Variants in TNS1 observed in about 807,000 individuals in gnomAD.
The protein encoded by TNS1 is tensin-1.
A neutral mutation model predicts 168.6 loss-of-function variants in TNS1; 62 were observed. The ratio of observed to expected loss-of-function variants is 0.37; its 90% CI spans 0.30 to 0.45. The LOEUF is 0.45. TNS1 is among the 20% of genes least tolerant of loss of function. The probability of loss-of-function intolerance (pLI) is 1.00; values close to 1 mark genes in which losing one functional copy is unlikely to be tolerated. For missense variants in TNS1, 2,240 were observed against 2,339.4 expected (o/e 0.96, Z 0.88); for synonymous variants, 934 against 933.2 (o/e 1.00, Z -0.02).
intron 22 of TNS1, among the ~76,000 whole-genome samples, chr2:217,823,821 G>A (rs1278233428): frequency 6.6e-6 from 1 of 152,162 alleles, no homozygotes; most frequent in Admixed American, 6.5e-5. Context: ...CAGGCACCTC[G>A]GCACCCAAAG....
intron 18 of TNS1, among the ~76,000 whole-genome samples, chr2:217,854,726 T>C (rs889866583): frequency 6.6e-6 from 1 of 152,066 alleles, no homozygotes; most frequent in African/African-American, 2.4e-5. Context: ...TTTTCCCTTA[T>C]CCACACACTC....
chr2:217,945,015 C>T (rs887193344), intron 3 of TNS1, among the ~76,000 whole-genome samples: 4 of 152,156 alleles, frequency 2.6e-5, no homozygotes, highest in South Asian at 2.1e-4. Context: ...TCTAATCACC[C>T]GGTTATTATA....
chr2:217,987,413 A>C (rs1317631535), intron 2 of TNS1, among the ~76,000 whole-genome samples: 1 of 152,098 alleles, frequency 6.6e-6, no homozygotes, highest in Non-Finnish European at 1.5e-5. Context: ...TTCATCTTTG[A>C]GTCTTCCAAA....
chr2:217,956,499 G>C (rs1414346387), intron 3 of TNS1, among the ~76,000 whole-genome samples: 1 of 152,214 alleles, frequency 6.6e-6, no homozygotes, highest in Non-Finnish European at 1.5e-5. Flanking sequence ...GAGCAAGGCT[G>C]CGGGGAGAGG....
At chr2:217,820,525 A>G (rs1942666237) in intron 23 of TNS1, among the ~76,000 whole-genome samples, 1 of 152,076 alleles carries the variant, frequency 6.6e-6, no homozygotes, top group Admixed American at 6.5e-5. Context: ...GCCAATGTAG[A>G]CTGTGCAGCA....
At chr2:218,002,145 C>T (rs919128097) in intron 1 of TNS1, among the ~76,000 whole-genome samples, 8 of 152,290 alleles carry the variant, frequency 5.3e-5, no homozygotes, top group South Asian at 4.1e-4. Flanking sequence ...ACCTTCACCA[C>T]GTGGCCCCCA....
At chr2:217,911,323 A>G (rs944113846) in intron 4 of TNS1, among the ~76,000 whole-genome samples, 2 of 152,232 alleles carry the variant, frequency 1.3e-5, no homozygotes, top group Non-Finnish European at 2.9e-5. Context: ...GCTCTGCTCT[A>G]GAGTCCCAAA....
intron 3 of TNS1, among the ~76,000 whole-genome samples, chr2:217,963,513 G>A (rs1021851356): frequency 7.9e-5 from 12 of 152,256 alleles, no homozygotes; most frequent in African/African-American, 2.4e-4. Flanking sequence ...GAGAACCTGC[G>A]CACTTGAGAA....
chr2:217,810,361 A>C, intron 28 of TNS1, 42 bp from the exon 29 acceptor site: 1 of 1,601,918 alleles, frequency 6.2e-7, no homozygotes, highest in African/African-American at 1.3e-5. Flanking sequence ...CTAGAGCTGG[A>C]AAGAAGCACA....
Position 217,998,221 on chromosome 2 carries a change from G to GTC in TNS1, c.33+4617_33+4618dup, listed in dbSNP as rs60663810. ...AGATAGATGAGTTCTCTCCATCAGTGTCTCTCTCTCTCTCTCTCTCTCTCC... is the reference window on the plus strand; with the variant it reads ...AGATAGATGAGTTCTCTCCATCAGTGTCTCTCTCTCTCTCTCTCTCTCTCTCC... On this transcript the variant is annotated intron_variant, in intron 1 of 32. Coordinates refer to ENST00000682258, the MANE Select transcript of TNS1 (RefSeq NM_001387777.1). Among the ~76,000 whole-genome samples, 439 of 149,502 alleles carry GTC rather than the reference G, an allele frequency of 2.9e-3. 3 individuals carry two copies. The highest frequency in any genetic ancestry group is 4.6e-3 in the East Asian group (23 of 5,024).
At chr2:217,815,872 C>CA (rs533699878) in intron 24 of TNS1, among the ~76,000 whole-genome samples, 42 of 149,450 alleles carry the variant, frequency 2.8e-4, no homozygotes, top group South Asian at 6.4e-4. Flanking sequence ...TCACATAGAA[C>CA]AAAAAAAAAA....
In TNS1 at chr2:217,818,443, G is replaced by C; in HGVS notation, c.3889C>G (p.Pro1297Ala). The C allele has an allele frequency of 6.2e-7, 1 of 1,614,148 alleles. No homozygotes were observed. Among genetic ancestry groups the C allele is most frequent in the Non-Finnish European group, 8.5e-7 (1 of 1,179,996 alleles). The change falls in exon 24 of 33, where the codon CCT (proline) becomes GCT (alanine). Residue 1297 changes from proline (P) to alanine (A), a missense_variant. Coordinates refer to ENST00000682258, the MANE Select transcript of TNS1 (RefSeq NM_001387777.1). ...RTVGTNTPPS[P>A]GFGWRAINPS... Reference sequence around the variant, plus strand: ...TTGATGGCCCGCCAGCCGAAGCCAGGACTAGGGGGAGTGTTGGTGCCCACT... The same window carrying C: ...TTGATGGCCCGCCAGCCGAAGCCAGCACTAGGGGGAGTGTTGGTGCCCACT...
rs762773555 is a variant in TNS1 at position 217,885,846 on chromosome 2, G to C, written c.1041-27C>G. 8 of 1,612,236 alleles carry C rather than the reference G, an allele frequency of 5.0e-6. No individual in the cohort carries two copies. The African/African-American group carries it at 5.3e-5, about 11-fold the overall frequency. On this transcript the variant is annotated intron_variant, in intron 14 of 32. Transcript: ENST00000682258. ...TAAGGGAGAGAGGTGGGCAGAAAAA[G>C]AGTGGGCTGCTGGAGGGGAGATGAG...
chr2:217,981,062 A>G (rs542159179), intron 2 of TNS1, among the ~76,000 whole-genome samples: 2 of 152,152 alleles, frequency 1.3e-5, no homozygotes, highest in Non-Finnish European at 2.9e-5. Context: ...ATCTCCCCAC[A>G]CTACACTCAG....
chr2:217,810,217 G>A lies in TNS1; in HGVS notation c.5104+31C>T, dbSNP rs377407590. The A allele has an allele frequency of 4.3e-6, 7 of 1,611,736 alleles. No homozygotes were observed. In the African/African-American group the frequency reaches 9.4e-5, roughly 22 times the overall value. On this transcript the variant is annotated intron_variant, in intron 29 of 32. Coordinates refer to ENST00000682258, the MANE Select transcript of TNS1 (RefSeq NM_001387777.1). The stretch of plus-strand genomic sequence containing the variant: ...GCAGGAAGGCAGAAAGAGAGGCCTG[G>A]GCATGGGTACAGTTTCAGGTGACCA...
chr2:217,804,624 C>T (rs780923906), intron 32 of TNS1, 21 bp from the exon 33 acceptor site: 19 of 1,613,382 alleles, frequency 1.2e-5, no homozygotes, highest in South Asian at 4.4e-5. Context: ...GAGAGGGCAA[C>T]GGGCATGAGG....
chr2:217,912,254 GA>G (rs1390974939), intron 4 of TNS1, among the ~76,000 whole-genome samples: 4 of 152,344 alleles, frequency 2.6e-5, no homozygotes, highest in Non-Finnish European at 5.9e-5. Context: ...TTAGAGGAAG[GA>G]AACAACAGGG....
At chr2:217,971,072 T>TA (rs1197786973) in intron 3 of TNS1, among the ~76,000 whole-genome samples, 1 of 152,236 alleles carries the variant, frequency 6.6e-6, no homozygotes, top group Non-Finnish European at 1.5e-5. Context: ...GAAATGTTAT[T>TA]AAAATAAATT....
chr2:218,005,568 G>A (rs1013270043), upstream of TNS1, among the ~76,000 whole-genome samples: 1 of 152,202 alleles, frequency 6.6e-6, no homozygotes, highest in Non-Finnish European at 1.5e-5. Flanking sequence ...TAATGACCCT[G>A]TTCCAGGCTT....
Sources: allele counts gnomAD v4.1 joint callset (sites outside exome capture counted in the v4.1 genomes callset), GRCh38; gene constraint gnomAD v4.1.1; transcripts MANE v1.5; gene names NCBI Gene and HGNC (gene_info 2026-07-23, HGNC 2026-07-21).